Variants in HTR1F observed in about 807,000 individuals in gnomAD.
HTR1F encodes the protein 5-hydroxytryptamine receptor 1F, also known as 5-hydroxytryptamine (serotonin) receptor 1F, G protein-coupled.
A neutral mutation model predicts 24.0 loss-of-function variants in HTR1F; 17 were observed. The observed-to-expected ratio is 0.71, with a 90% CI of 0.48 to 1.06. The LOEUF (loss-of-function observed/expected upper bound fraction) is 1.06, where lower values mean the gene tolerates loss of function less well. Among genes scored for constraint, HTR1F ranks in the 50% least tolerant of loss-of-function variants. HTR1F has a pLI of 0.00. For missense variants in HTR1F, 391 were observed against 427.8 expected (o/e 0.91, Z 0.76); for synonymous variants, 186 against 156.8 (o/e 1.19, Z -1.39).
At position 87,795,923 on chromosome 3, in the gene HTR1F, C is replaced by A. The variant is rs375319803; in HGVS notation, c.-160+3081C>A. ...ATTAATTTCATAATCTTTCCAATTT[C>A]TTTGTGTTATTTCCTTCTCTCAGAA... On this transcript the variant is annotated intron_variant, in intron 1 of 2. Transcript: ENST00000319595. Among the ~76,000 whole-genome samples the A allele has an allele frequency of 4.9e-4, 75 of 152,248 alleles. No individual in the cohort carries two copies. The South Asian group carries it at 0.013, about 27-fold the overall frequency.
intron 2 of HTR1F, among the ~76,000 whole-genome samples, chr3:87,931,735 G>C (rs921986035): frequency 1.3e-4 from 20 of 151,612 alleles, no homozygotes; most frequent in African/African-American, 2.9e-4. Flanking sequence ...TTAATGATTG[G>C]CATTCTAACT....
intron 2 of HTR1F, among the ~76,000 whole-genome samples, chr3:87,874,132 A>T (rs1202138724): frequency 6.6e-6 from 1 of 152,140 alleles, no homozygotes; most frequent in Non-Finnish European, 1.5e-5. Context: ...AGCCAGAGCA[A>T]TTAGGCAAGA....
chr3:87,809,330 A>G (rs1704123612), intron 1 of HTR1F, among the ~76,000 whole-genome samples: 1 of 151,976 alleles, frequency 6.6e-6, no homozygotes, highest in Admixed American at 6.6e-5. Context: ...CAAACCAAAT[A>G]GTGTATCATT....
chr3:87,889,126 T>C (rs748227666), intron 2 of HTR1F, among the ~76,000 whole-genome samples: 1 of 152,120 alleles, frequency 6.6e-6, no homozygotes, highest in Non-Finnish European at 1.5e-5. Flanking sequence ...TCTCTGGCCA[T>C]GTAATCTCTG....
intron 2 of HTR1F, among the ~76,000 whole-genome samples, chr3:87,937,944 GAAGA>G (rs751100226): frequency 2.1e-5 from 3 of 145,046 alleles, no homozygotes; most frequent in East Asian, 4.0e-4. Flanking sequence ...AAAAAAAAAA[GAAGA>G]AAGAAAGAAA....
chr3:87,889,611 A>G (rs545579568), intron 2 of HTR1F, among the ~76,000 whole-genome samples: 14 of 152,358 alleles, frequency 9.2e-5, no homozygotes, highest in Non-Finnish European at 1.6e-4. Context: ...AATGTTAGGC[A>G]GTTAAAAGAT....
At chr3:87,838,736 A>G (rs1297031294) in intron 2 of HTR1F, among the ~76,000 whole-genome samples, 2 of 152,032 alleles carry the variant, frequency 1.3e-5, no homozygotes, top group Non-Finnish European at 1.5e-5. Flanking sequence ...TGGAATAACT[A>G]CACTTTCTTC....
At chr3:87,982,588 G>C (rs1229458656) in intron 2 of HTR1F, among the ~76,000 whole-genome samples, 2 of 152,190 alleles carry the variant, frequency 1.3e-5, no homozygotes, top group Non-Finnish European at 2.9e-5. Flanking sequence ...GACCAGACAG[G>C]ATCTCTTCAA....
At chr3:87,931,026 C>CTTTTTTTTTTTTTTTTTTTTTCT (rs34617109) in intron 2 of HTR1F, among the ~76,000 whole-genome samples, 23 of 131,812 alleles carry the variant, frequency 1.7e-4, no homozygotes, top group Admixed American at 3.9e-4. Flanking sequence ...ATAGTCTTTC[C>CTTTTTTTTTTTTTTTTTTTTTCT]TTTTTTTTTT....
At chr3:87,865,611 G>GT (rs1252881954) in intron 2 of HTR1F, among the ~76,000 whole-genome samples, 18 of 152,004 alleles carry the variant, frequency 1.2e-4, no homozygotes, top group Admixed American at 1.2e-3. Context: ...TCCCAGCATT[G>GT]TATTTGTGAG....
rs566089621 is a variant in HTR1F at position 87,809,448 on chromosome 3, A to G, written c.-159-12560A>G. On this transcript the variant is annotated intron_variant, in intron 1 of 2. Transcript: ENST00000319595. ...ATATTTTCAGTTGATGCATAGTTTT[A>G]ATATTACATTTTGTCTAGAAAATGT... 3.0e-4 allele frequency among the ~76,000 whole-genome samples: 45 copies of G among 152,118 alleles called. No homozygotes were observed. In the South Asian group the frequency reaches 9.3e-3, roughly 32 times the overall value.
At chr3:87,957,392 G>A (rs1432806774) in intron 2 of HTR1F, among the ~76,000 whole-genome samples, 13 of 151,208 alleles carry the variant, frequency 8.6e-5, no homozygotes, top group African/African-American at 2.7e-4. Context: ...TTAATTTCAC[G>A]GAGAGAGTGG....
At chr3:87,972,134 G>A (rs548481176) in intron 2 of HTR1F, among the ~76,000 whole-genome samples, 30 of 152,252 alleles carry the variant, frequency 2.0e-4, no homozygotes, top group African/African-American at 7.2e-4. Flanking sequence ...TAGGCCCAGG[G>A]ATTAAAGTCT....
chr3:87,956,824 C>T (rs1189460942), intron 2 of HTR1F, among the ~76,000 whole-genome samples: 1 of 151,250 alleles, frequency 6.6e-6, no homozygotes, highest in Non-Finnish European at 1.5e-5. Context: ...AACGTTGTAT[C>T]CTGCAACTTG....
chr3:87,990,679 G>C (rs1705800583), intron 2 of HTR1F, 29 bp from the exon 3 acceptor site: 3 of 1,177,008 alleles, frequency 2.5e-6, no homozygotes, highest in Non-Finnish European at 3.7e-6. Flanking sequence ...AGCCTTCTCT[G>C]AACTGTTTTT....
chr3:87,901,812 T>G (rs1223851600), intron 2 of HTR1F, among the ~76,000 whole-genome samples: 1 of 152,124 alleles, frequency 6.6e-6, no homozygotes, highest in Non-Finnish European at 1.5e-5. Context: ...GGAATGGCTT[T>G]TCTAGTGACA....
chr3:87,849,244 T>TGGTACC (rs1351812867), intron 2 of HTR1F, among the ~76,000 whole-genome samples: 1 of 151,846 alleles, frequency 6.6e-6, no homozygotes, highest in African/African-American at 2.4e-5. Flanking sequence ...AGCATGGTAC[T>TGGTACC]GGTACCAAAA....
chr3:87,975,280 C>A (rs1177027825), intron 2 of HTR1F, among the ~76,000 whole-genome samples: 1 of 151,680 alleles, frequency 6.6e-6, no homozygotes, highest in Non-Finnish European at 1.5e-5. Flanking sequence ...AGAAAAAAAT[C>A]CAAATCTCAA....
chr3:87,841,154 T>C (rs1237772622), intron 2 of HTR1F, among the ~76,000 whole-genome samples: 2 of 151,940 alleles, frequency 1.3e-5, no homozygotes, highest in Non-Finnish European at 2.9e-5. Context: ...TTCTACATCA[T>C]ACACTCATAG....
Sources: gnomAD v4.1 joint callset for allele counts (sites outside exome capture counted in the v4.1 genomes callset) on GRCh38, gnomAD v4.1.1 for gene constraint, MANE v1.5 for transcripts, NCBI Gene and HGNC (gene_info 2026-07-23, HGNC 2026-07-21) for gene names.